ZDHHC23: variants seen among roughly 807,000 people sequenced by gnomAD.
ZDHHC23 encodes the protein zDHHC palmitoyltransferase 23.
ZDHHC23 carries 41 observed loss-of-function variants against 40.2 expected under a neutral mutation model. That is an observed-to-expected ratio of 1.02 (90% CI 0.79 to 1.32). The LOEUF (loss-of-function observed/expected upper bound fraction) is 1.32, where lower values mean the gene tolerates loss of function less well. Ranked by LOEUF, ZDHHC23 falls within the 40% of genes most tolerant of loss-of-function variation. The pLI, the probability that ZDHHC23 is intolerant of heterozygous loss-of-function variation, is 0.00. For missense variants in ZDHHC23, 471 were observed against 541.5 expected, an observed-to-expected ratio of 0.87 and a Z score of 1.29; for synonymous variants, 204 against 210.2, an observed-to-expected ratio of 0.97 and a Z score of 0.26.
the ZDHHC23 span, among the ~76,000 whole-genome samples, chr3:113,970,605 A>G: frequency 6.6e-6 from 1 of 152,146 alleles, no homozygotes; most frequent in Admixed American, 6.5e-5. Flanking sequence ...TTTAGGGTAC[A>G]TGTGCACAAC....
rs1938976589 is a variant in ZDHHC23, at chr3:113,954,394, GATC to G, written c.862_864del (p.His288del). On this transcript the variant is annotated inframe_deletion, in exon 3 of 5. Transcript: ENST00000638807. Reference sequence around the variant, plus strand: ...ATGTGGCATCTGTGTGAGGAGAATGGATCATCATTGTGTCTGGTATGTTGGAAA... The same window carrying G: ...ATGTGGCATCTGTGTGAGGAGAATGGATCATTGTGTCTGGTATGTTGGAAA... The G allele has an allele frequency of 1.3e-6, 2 of 1,595,354 alleles. No individual in the cohort carries two copies. Among genetic ancestry groups the G allele is most frequent in the Non-Finnish European group, 1.7e-6 (2 of 1,170,410 alleles).
At chr3:113,978,967 A>G in the ZDHHC23 span, 1 of 1,613,940 alleles carries the variant, frequency 6.2e-7, no homozygotes, top group Non-Finnish European at 8.5e-7. Context: ...CCACGTCAGC[A>G]TGTATTTCCT....
chr3:113,968,628 T>G (rs1374875680), downstream of ZDHHC23, among the ~76,000 whole-genome samples: 5 of 145,330 alleles, frequency 3.4e-5, no homozygotes, highest in East Asian at 2.0e-4. Context: ...AGTTTTTTGT[T>G]TTTTTTTTTT....
chr3:113,965,755 A>AATT (rs1940079304), downstream of ZDHHC23, among the ~76,000 whole-genome samples: 1 of 151,696 alleles, frequency 6.6e-6, no homozygotes, highest in African/African-American at 2.4e-5. Flanking sequence ...ATGCCTGGCT[A>AATT]ATTTTTTTTT....
chr3:113,959,312 A>T lies in ZDHHC23; in HGVS notation c.*682A>T, dbSNP rs184997576. 7 of 1,098,526 alleles carry T rather than the reference A, an allele frequency of 6.4e-6. No individual in the cohort carries two copies. The highest frequency in any genetic ancestry group is 6.0e-5 in the East Asian group (1 of 16,656). The allele number at this position is 1,098,526 out of a possible 1,614,324, so 68.0% of individuals were successfully genotyped here. On this transcript the variant is annotated 3_prime_UTR_variant, in exon 5 of 5. Transcript: ENST00000638807. ...TAGACATGAACTACTCAAACAGAGA[A>T]GATGACCAGATGGATTGATGCTAAG...
intron 2 of ZDHHC23, among the ~76,000 whole-genome samples, chr3:113,951,766 T>A (rs192734052): frequency 9.8e-5 from 15 of 152,336 alleles, no homozygotes; most frequent in Admixed American, 8.5e-4. Flanking sequence ...GCTTTCTCAT[T>A]TGTTACAATA....
chr3:113,967,352 C>T (rs1238325533), downstream of ZDHHC23, among the ~76,000 whole-genome samples: 1 of 150,166 alleles, frequency 6.7e-6, no homozygotes, highest in South Asian at 2.1e-4. Flanking sequence ...TGGGTGAAAT[C>T]TTCCTAGATC....
Position 113,960,513 on chromosome 3 carries a change from T to A in ZDHHC23, c.*1883T>A, listed in dbSNP as rs1333865931. The A allele has an allele frequency of 5.0e-6, 7 of 1,400,506 alleles. No individual in the cohort carries two copies. The highest frequency in any genetic ancestry group is 6.5e-6 in the Non-Finnish European group (7 of 1,085,058). 86.8% of individuals were successfully genotyped at this position (1,400,506 alleles called of 1,614,324 possible). On this transcript the variant is annotated 3_prime_UTR_variant, in exon 5 of 5. Transcript: ENST00000638807. The stretch of plus-strand genomic sequence containing the variant: ...AGAAATTGGTAGTCGTGCTTTTGAA[T>A]GTCAGCTGTAGAGCCAACTCTGATT...
Position 113,960,087 on chromosome 3 carries a change from T to C in ZDHHC23, c.*1457T>C, listed in dbSNP as rs962828031. 7.1e-6 allele frequency: 7 copies of C among 989,438 alleles called. No individual in the cohort carries two copies. In the African/African-American group the frequency reaches 1.0e-4, roughly 15 times the overall value. The allele number at this position is 989,438 out of a possible 1,614,324, so 61.3% of individuals were successfully genotyped here. On this transcript the variant is annotated 3_prime_UTR_variant, in exon 5 of 5. Coordinates refer to ENST00000638807, the MANE Select transcript of ZDHHC23 (RefSeq NM_001320466.2). ...AAATTTGCCTTGGCTTATAGCTTAA[T>C]ATAGGGAAAATATTGCCAGCGTTTT...
At chr3:113,970,483 T>C in the ZDHHC23 span, among the ~76,000 whole-genome samples, 56 of 152,228 alleles carry the variant, frequency 3.7e-4, no homozygotes, top group African/African-American at 1.3e-3. Flanking sequence ...TTTTTTCTCT[T>C]GTCTAACTGC....
the ZDHHC23 span, among the ~76,000 whole-genome samples, chr3:113,970,526 A>G: frequency 6.6e-6 from 1 of 152,094 alleles, no homozygotes; most frequent in South Asian, 2.1e-4. Flanking sequence ...ATATTGAATA[A>G]AAGTGCTGAA....
In ZDHHC23 at chr3:113,958,766, T is replaced by C. The variant is rs1335877499; in HGVS notation, c.*136T>C. 1 of 1,560,104 alleles carries C rather than the reference T, an allele frequency of 6.4e-7. No homozygotes were observed. The highest frequency in any genetic ancestry group is 1.3e-5 in the African/African-American group (1 of 74,206). ...CCATGCTCAGGTTTAGAGACTGGAG[T>C]GGGAAGAAGTTAATTTTTCTGACGC... On this transcript the variant is annotated 3_prime_UTR_variant, in exon 5 of 5. Transcript: ENST00000638807.
At chr3:113,955,359 C>CGTGTGTGT (rs68123933) in intron 3 of ZDHHC23, among the ~76,000 whole-genome samples, 62 of 147,522 alleles carry the variant, frequency 4.2e-4, no homozygotes, top group African/African-American at 1.3e-3. Context: ...TTCACTTATT[C>CGTGTGTGT]GTGTGTGTGT....
In ZDHHC23 at chr3:113,962,686, T is replaced by C. The variant is rs1329071916; in HGVS notation, c.*4056T>C. 1 of 152,204 alleles carries C rather than the reference T, an allele frequency of 6.6e-6. No individual in the cohort carries two copies. The highest frequency in any genetic ancestry group is 1.5e-5 in the Non-Finnish European group (1 of 68,036). 9.4% of individuals were successfully genotyped at this position (152,204 alleles called of 1,614,324 possible). A position where few individuals can be genotyped will look rare whatever the true frequency, so the allele number is the denominator to read the frequency against. On this transcript the variant is annotated 3_prime_UTR_variant, in exon 5 of 5. Transcript: ENST00000638807. ...ATTTTGAGTTTTTCATTTTATTGCA[T>C]ATCTGGGTTGGATGTTAGACTAAAG...
At chr3:113,978,813 T>C in the ZDHHC23 span, 1 of 1,576,586 alleles carries the variant, frequency 6.3e-7, no homozygotes, top group South Asian at 1.1e-5. Context: ...TTAAATAGAA[T>C]TGAGCAATGA....
At position 113,954,406 on chromosome 3, in the gene ZDHHC23, G is replaced by A; in HGVS notation, c.868G>A (p.Val290Ile). 2 of 1,579,750 alleles carry A rather than the reference G, an allele frequency of 1.3e-6. No individual in the cohort carries two copies. Among genetic ancestry groups the A allele is most frequent in the Non-Finnish European group, 1.7e-6 (2 of 1,162,718 alleles). ...TGTGAGGAGAATGGATCATCATTGT[G>A]TCTGGTATGTTGGAAACATTTGGAG... ...ICVRRMDHHC[V>I]WINSCVGESN... is the part of the protein sequence containing the mutation. Residue 290 changes from valine to isoleucine, a missense_variant, in exon 3 of 5, where the codon GTC becomes ATC. By Grantham distance (29) the Val-to-Ile change is conservative. Around this residue, in one of 3 missense-constraint regions of ZDHHC23, gnomAD observed 346 missense variants for 399.8 expected, o/e 0.87. Transcript: ENST00000638807.
In ZDHHC23 at chr3:113,958,786, T is replaced by C. The variant is rs1444145214; in HGVS notation, c.*156T>C. On this transcript the variant is annotated 3_prime_UTR_variant, in exon 5 of 5. Coordinates refer to ENST00000638807, the MANE Select transcript of ZDHHC23 (RefSeq NM_001320466.2). Reference sequence around the variant, plus strand: ...TGGAGTGGGAAGAAGTTAATTTTTCTGACGCCACAACTTAAGAGACTTTTA... The same window carrying C: ...TGGAGTGGGAAGAAGTTAATTTTTCCGACGCCACAACTTAAGAGACTTTTA... The C allele has an allele frequency of 3.9e-6, 6 of 1,527,942 alleles. No individual in the cohort carries two copies. In the African/African-American group the frequency reaches 8.1e-5, roughly 21 times the overall value. The allele number at this position is 1,527,942 out of a possible 1,614,324, so 94.6% of individuals were successfully genotyped here.
At chr3:113,951,666 G>A (rs976639413) in intron 2 of ZDHHC23, among the ~76,000 whole-genome samples, 2 of 152,196 alleles carry the variant, frequency 1.3e-5, no homozygotes, top group Non-Finnish European at 2.9e-5. Context: ...ATCTCCGAAT[G>A]CCTTCAGGGT....
Position 113,956,515 on chromosome 3 carries a change from T to G in ZDHHC23, c.1040+9T>G, listed in dbSNP as rs1477339100. 6.2e-7 allele frequency: 1 copy of G among 1,610,164 alleles called. No homozygotes were observed. The highest frequency in any genetic ancestry group is 1.1e-5 in the South Asian group (1 of 89,990). On this transcript the variant is annotated intron_variant, in intron 4 of 4. Transcript: ENST00000638807. ...GTTTATGCAAATTACAGGTGAGCAG[T>G]GGGTACCACAGTATGGAGGCCCCCT...
Sources: gnomAD v4.1 joint callset for allele counts (sites outside exome capture counted in the v4.1 genomes callset) on GRCh38, gnomAD v4.1.1 for gene constraint, gnomAD v4.1.1 regional missense constraint, MANE v1.5 for transcripts, NCBI Gene and HGNC (gene_info 2026-07-23, HGNC 2026-07-21) for gene names.